The following KIAA0319L variants were observed in gnomAD, a reference collection of about 807,000 sequenced individuals.
The protein encoded by KIAA0319L is dyslexia-associated protein KIAA0319-like protein.
Under a neutral mutation model 120.1 loss-of-function variants are expected in KIAA0319L, and 55 were observed. The observed-to-expected ratio is 0.46, with a 90% confidence interval of 0.37 to 0.57. The LOEUF (loss-of-function observed/expected upper bound fraction) is 0.57. KIAA0319L is among the 20% of genes least tolerant of loss of function. The probability of loss-of-function intolerance (pLI) is 0.00; values close to 1 mark genes in which losing one functional copy is unlikely to be tolerated. For synonymous variants in KIAA0319L, 398 were observed against 471.9 expected, an observed-to-expected ratio of 0.84 and a Z score of 2.03; for missense variants, 1,049 against 1,255.3, an observed-to-expected ratio of 0.84 and a Z score of 2.48.
chr1:35,449,735 G>A (rs1641909512), intron 15 of KIAA0319L, 132 bp downstream of exon 15: 7 of 946,666 alleles, frequency 7.4e-6, no homozygotes, highest in Non-Finnish European at 1.1e-5. Flanking sequence ...TTCAGCTTGG[G>A]GTTTCTCGAT....
chr1:35,473,834 C>T (rs977595183), intron 5 of KIAA0319L, among the ~76,000 whole-genome samples: 7 of 152,208 alleles, frequency 4.6e-5, no homozygotes, highest in African/African-American at 1.7e-4. Flanking sequence ...GAAGGACATT[C>T]TACTTGACTA....
At chr1:35,519,663 A>T (rs1269493405) in intron 2 of KIAA0319L, among the ~76,000 whole-genome samples, 4 of 152,154 alleles carry the variant, frequency 2.6e-5, no homozygotes, top group Admixed American at 6.5e-5. Context: ...CCAGACCAGG[A>T]TCTATGTGCT....
rs928939843 is a variant in KIAA0319L at position 35,453,787 on chromosome 1, T to C, written c.1781-98A>G. The C allele has an allele frequency of 5.7e-6, 7 of 1,234,990 alleles. No individual in the cohort carries two copies. Among genetic ancestry groups the C allele is most frequent in the Admixed American group, 5.2e-5 (2 of 38,420 alleles). The allele number at this position is 1,234,990 out of a possible 1,614,324, so 76.5% of individuals were successfully genotyped here. On this transcript the variant is annotated intron_variant, in intron 11 of 20. Transcript: ENST00000325722. This position sits in a 1 kb window ranked among gnomAD's most constrained non-coding sequence, Gnocchi z 4.1. ...TGTTCTGGAAGCCATGGACTCTGCC[T>C]CTCAGGCCACAGAACTGTCAGATAC...
At position 35,456,071 on chromosome 1, in the gene KIAA0319L, A is replaced by G; in HGVS notation, c.1598T>C (p.Ile533Thr). The part of the protein sequence containing the change: ...FGNQSTDDHG[I>T]TSYEWSLSPS... ...GCTGAGTGACCACTCATAGCTGGTG[A>G]TGCCATGATCATCAGTGCTCTGGTT... The change falls in exon 10 of 21, where the codon ATC (isoleucine) becomes ACC (threonine). Residue 533 changes from isoleucine to threonine, a missense_variant. Ile to Thr is a moderately conservative substitution (Grantham distance 89). Coordinates refer to ENST00000325722, the MANE Select transcript of KIAA0319L (RefSeq NM_024874.5). 1 of 1,614,082 alleles carries G rather than the reference A, an allele frequency of 6.2e-7. No homozygotes were observed. The highest frequency in any genetic ancestry group is 8.5e-7 in the Non-Finnish European group (1 of 1,180,002).
intron 15 of KIAA0319L, among the ~76,000 whole-genome samples, chr1:35,448,880 T>C (rs1641838778): frequency 6.6e-6 from 1 of 152,210 alleles, no homozygotes; most frequent in South Asian, 2.1e-4. Flanking sequence ...AGGATTTCCT[T>C]AGAGCCACAT....
intron 2 of KIAA0319L, among the ~76,000 whole-genome samples, chr1:35,542,021 A>G (rs1255156253): frequency 6.6e-6 from 1 of 152,232 alleles, no homozygotes; most frequent in Non-Finnish European, 1.5e-5. Flanking sequence ...CAGAAGGCCC[A>G]GCTGCCTACC....
At chr1:35,450,571 T>C in intron 13 of KIAA0319L, 62 bp from the exon 14 acceptor site, 1 of 1,490,432 alleles carries the variant, frequency 6.7e-7, no homozygotes, top group Non-Finnish European at 9.3e-7. Context: ...TGTTTCTTCA[T>C]GATGCTTATG....
chr1:35,504,616 G>C (rs956304335), intron 3 of KIAA0319L, among the ~76,000 whole-genome samples: 6 of 152,150 alleles, frequency 3.9e-5, no homozygotes, highest in African/African-American at 1.4e-4. Flanking sequence ...CAGGCTTTTA[G>C]TAGCTACATT....
chr1:35,505,178 T>C lies in KIAA0319L; in HGVS notation c.666+1434A>G, dbSNP rs537127534. Among the ~76,000 whole-genome samples the C allele has an allele frequency of 1.7e-4, 26 of 152,308 alleles. No homozygotes were observed. The East Asian group carries it at 4.8e-3, about 28-fold the overall frequency. ...ATTATAATAATTTAATTATTAGAAATGTAATATTCCTTGCCAGAGTATAAG... is the reference window on the plus strand; with the variant it reads ...ATTATAATAATTTAATTATTAGAAACGTAATATTCCTTGCCAGAGTATAAG... On this transcript the variant is annotated intron_variant, in intron 3 of 20. Transcript: ENST00000325722.
chr1:35,459,386 C>T (rs1303896570), intron 9 of KIAA0319L, among the ~76,000 whole-genome samples: 2 of 152,004 alleles, frequency 1.3e-5, no homozygotes, highest in African/African-American at 4.8e-5. Flanking sequence ...GCGGGTGGAT[C>T]ACAAGGTCAG....
intron 13 of KIAA0319L, among the ~76,000 whole-genome samples, 177 bp from the exon 14 acceptor site, chr1:35,450,686 G>A (rs1480927448): frequency 1.3e-5 from 2 of 151,988 alleles, no homozygotes; most frequent in African/African-American, 2.4e-5. Flanking sequence ...CTGCAGTCCT[G>A]AGGTTCCAGT....
intron 2 of KIAA0319L, chr1:35,533,200 C>G (rs931204897): frequency 1.3e-5 from 2 of 152,176 alleles, no homozygotes; most frequent in African/African-American, 2.4e-5. Flanking sequence ...CTTGGCTTCT[C>G]AAGCAAACTT....
At chr1:35,521,104 G>A (rs2148442637) in intron 2 of KIAA0319L, among the ~76,000 whole-genome samples, 1 of 152,300 alleles carries the variant, frequency 6.6e-6, no homozygotes, top group Non-Finnish European at 1.5e-5. Context: ...ACTTTGGGAG[G>A]CTGAGGCGGG....
chr1:35,478,458 T>C (rs560188785), intron 4 of KIAA0319L, among the ~76,000 whole-genome samples: 43 of 152,342 alleles, frequency 2.8e-4, no homozygotes, highest in Admixed American at 2.8e-3. Flanking sequence ...CTTGAAGGGA[T>C]GGATACTCTA....
At chr1:35,446,652 C>T (rs1354300280) in intron 16 of KIAA0319L, among the ~76,000 whole-genome samples, 1 of 152,228 alleles carries the variant, frequency 6.6e-6, no homozygotes, top group African/African-American at 2.4e-5. Flanking sequence ...CACCCCTTAA[C>T]TTCCAGCAGA....
At chr1:35,549,069 G>A (rs923307584) in intron 2 of KIAA0319L, among the ~76,000 whole-genome samples, 25 of 146,894 alleles carry the variant, frequency 1.7e-4, no homozygotes, top group African/African-American at 6.3e-4. Flanking sequence ...TTTTTTTTAA[G>A]AGACAGGGTC....
chr1:35,447,129 C>G (rs1439738294), intron 16 of KIAA0319L, among the ~76,000 whole-genome samples: 1 of 151,850 alleles, frequency 6.6e-6, no homozygotes, highest in African/African-American at 2.4e-5. Context: ...TATCTTAATT[C>G]AGGTTTTATT....
intron 2 of KIAA0319L, among the ~76,000 whole-genome samples, chr1:35,523,933 G>C (rs1203601333): frequency 1.3e-5 from 2 of 152,174 alleles, no homozygotes; most frequent in Admixed American, 1.3e-4. Context: ...TTAAGTGCAA[G>C]TGAGTCAAAA....
chr1:35,460,203 C>G, intron 9 of KIAA0319L, 102 bp downstream of exon 9: 1 of 954,064 alleles, frequency 1.0e-6, no homozygotes. Context: ...ACCAACTCCA[C>G]AGTGAATTTG....
Sources: allele counts gnomAD v4.1 joint callset (sites outside exome capture counted in the v4.1 genomes callset), GRCh38; gene constraint gnomAD v4.1.1; non-coding constraint Gnocchi (gnomAD v3.1); transcripts MANE v1.5; gene names NCBI Gene and HGNC (gene_info 2026-07-23, HGNC 2026-07-21).